Variants in NRIP3 observed in about 807,000 individuals in gnomAD.
NRIP3 encodes the protein nuclear receptor-interacting protein 3.
A neutral mutation model predicts 29.0 loss-of-function variants in NRIP3; 31 were observed. The observed-to-expected ratio is 1.07, with a 90% CI of 0.80 to 1.44. The LOEUF is 1.44. Among genes scored for constraint, NRIP3 ranks in the 40% most tolerant of loss-of-function variants. The pLI is 0.00. For missense variants in NRIP3, 314 were observed against 297.9 expected, an observed-to-expected ratio of 1.05 and a Z score of -0.40; for synonymous variants, 131 against 118.3, an observed-to-expected ratio of 1.11 and a Z score of -0.70.
chr11:8,990,569 T>C (rs1854582599), intron 1 of NRIP3, among the ~76,000 whole-genome samples: 1 of 152,046 alleles, frequency 6.6e-6, no homozygotes, highest in South Asian at 2.1e-4. Flanking sequence ...GCGGATCTCT[T>C]GAGCTCAGGA....
At chr11:8,994,562 C>T (rs966280250) in intron 1 of NRIP3, among the ~76,000 whole-genome samples, 1 of 152,228 alleles carries the variant, frequency 6.6e-6, no homozygotes, top group African/African-American at 2.4e-5. Flanking sequence ...GCCCTACTTT[C>T]TGCATTTTAA....
chr11:8,993,967 A>G (rs1005980453), intron 1 of NRIP3, among the ~76,000 whole-genome samples: 1 of 152,160 alleles, frequency 6.6e-6, no homozygotes, highest in African/African-American at 2.4e-5. Context: ...ATTTTTAAAA[A>G]TTTTAAATAA....
At position 9,003,792 on chromosome 11, in the gene NRIP3, GC is replaced by G. The variant is rs1345535966; in HGVS notation, c.143del (p.Gly48AlafsTer52). 1 of 1,499,736 alleles carries G rather than the reference GC, an allele frequency of 6.7e-7. No homozygotes were observed. Among genetic ancestry groups the G allele is most frequent in the Non-Finnish European group, 8.9e-7 (1 of 1,121,966 alleles). The allele number at this position is 1,499,736 out of a possible 1,614,324, so 92.9% of individuals were successfully genotyped here. On this transcript the variant is annotated frameshift_variant, in exon 1 of 7. Coordinates refer to ENST00000309166, the MANE Select transcript of NRIP3 (RefSeq NM_020645.3). LOFTEE classifies it high-confidence loss of function. ...CCTTGGACGAGCCCAGCTTCTTGAG[GC>G]CGTCCAGGGGCAGCAGGTCGGCGGA... ...KDSADLLPLDGLKKLGSSKDM... is the reference protein window; with the variant it reads ...KDSADLLPLDXLKKLGSSKDM...
chr11:8,990,622 C>T (rs1357397044), intron 1 of NRIP3, among the ~76,000 whole-genome samples: 3 of 151,928 alleles, frequency 2.0e-5, no homozygotes, highest in Non-Finnish European at 2.9e-5. Context: ...CCTGTCTCTA[C>T]TAAAAGAAAA....
chr11:8,995,963 G>C (rs1854695877), intron 1 of NRIP3, among the ~76,000 whole-genome samples: 2 of 152,092 alleles, frequency 1.3e-5, no homozygotes, highest in Admixed American at 6.5e-5. Context: ...ATTTCTAATA[G>C]TTAGGTCCCT....
At chr11:8,987,900 A>G (rs1483797396) in intron 2 of NRIP3, among the ~76,000 whole-genome samples, 1 of 152,220 alleles carries the variant, frequency 6.6e-6, no homozygotes, top group Admixed American at 6.5e-5. Context: ...TAAAAAAATC[A>G]CATACCCATT....
At position 8,983,919 on chromosome 11, in the gene NRIP3, C is replaced by T. The variant is rs919664405; in HGVS notation, c.666G>A (p.Lys222=). The part of the protein sequence containing the change: ...KHRLIMGKTD[K]EEIPFVETVS... ...CTGTCTCCACAAAAGGGATTTCTTCCTTGTCTGTCTTCCCCATGATCAGCC... is the reference window on the plus strand; with the variant it reads ...CTGTCTCCACAAAAGGGATTTCTTCTTTGTCTGTCTTCCCCATGATCAGCC... Residue 222 remains lysine (K), a synonymous_variant, in exon 6 of 7, where the codon AAG becomes AAA. Coordinates refer to ENST00000309166, the MANE Select transcript of NRIP3 (RefSeq NM_020645.3). 9 of 1,614,088 alleles carry T rather than the reference C, an allele frequency of 5.6e-6. No individual in the cohort carries two copies. Among genetic ancestry groups the T allele is most frequent in the Non-Finnish European group, 7.6e-6 (9 of 1,180,052 alleles).
At position 8,984,096 on chromosome 11, in the gene NRIP3, A is replaced by C; in HGVS notation, c.591T>G (p.Gly197=). 1.2e-6 allele frequency: 2 copies of C among 1,613,190 alleles called. No individual in the cohort carries two copies. Among genetic ancestry groups the C allele is most frequent in the Non-Finnish European group, 1.7e-6 (2 of 1,179,144 alleles). Reference sequence around the variant, plus strand: ...CCTTCAGAGATCGGAGAGTCTGTAGACCAAGGGACAAGTTTTTCTCATTGT... The same window carrying C: ...CCTTCAGAGATCGGAGAGTCTGTAGCCCAAGGGACAAGTTTTTCTCATTGT... ...VDDNEKNLSL[G]LQTLRSLKCI... is the part of the protein sequence containing the mutation. Residue 197 remains glycine (G), a synonymous_variant, in exon 5 of 7, where the codon GGT becomes GGG. Coordinates refer to ENST00000309166, the MANE Select transcript of NRIP3 (RefSeq NM_020645.3).
At chr11:8,984,963 T>C (rs1241602440) in intron 4 of NRIP3, among the ~76,000 whole-genome samples, 4 of 151,844 alleles carry the variant, frequency 2.6e-5, no homozygotes, top group Non-Finnish European at 5.9e-5. Context: ...GCGATTCTCC[T>C]ACCTCAGCCT....
intron 1 of NRIP3, among the ~76,000 whole-genome samples, chr11:8,989,305 A>G (rs1210360932): frequency 6.6e-6 from 1 of 152,244 alleles, no homozygotes; most frequent in Non-Finnish European, 1.5e-5. Context: ...CCCGGCTACA[A>G]TACCATTTAA....
chr11:9,004,132 C>A, upstream of NRIP3: 1 of 424,622 alleles, frequency 2.4e-6, no homozygotes, highest in Non-Finnish European at 3.9e-6. Flanking sequence ...CCGCGTCCCG[C>A]GTCCCGCGTC....
chr11:8,998,875 G>C (rs1207193876), intron 1 of NRIP3, among the ~76,000 whole-genome samples: 1 of 133,502 alleles, frequency 7.5e-6, no homozygotes, highest in Non-Finnish European at 1.5e-5. Flanking sequence ...CTCACTGCAA[G>C]CTCCGCCTCC....
Position 9,003,812 on chromosome 11 carries a change from C to T in NRIP3, c.124G>A (p.Asp42Asn). Residue 42 changes from aspartate (D) to asparagine (N), a missense_variant, in exon 1 of 7, where the codon GAC becomes AAC. Transcript: ENST00000309166. ...TTGAGGCCGTCCAGGGGCAGCAGGTCGGCGGAGTCCTTGTGGATGAACTGC... is the reference window on the plus strand; with the variant it reads ...TTGAGGCCGTCCAGGGGCAGCAGGTTGGCGGAGTCCTTGTGGATGAACTGC... ...AVQFIHKDSA[D>N]LLPLDGLKKL... 1 of 1,513,090 alleles carries T rather than the reference C, an allele frequency of 6.6e-7. No individual in the cohort carries two copies. The highest frequency in any genetic ancestry group is 8.8e-7 in the Non-Finnish European group (1 of 1,130,178). The allele number at this position is 1,513,090 out of a possible 1,614,324, so 93.7% of individuals were successfully genotyped here.
At chr11:9,001,056 G>C (rs951572642) in intron 1 of NRIP3, among the ~76,000 whole-genome samples, 1 of 151,966 alleles carries the variant, frequency 6.6e-6, no homozygotes, top group Non-Finnish European at 1.5e-5. Context: ...AATAGAGTGA[G>C]AACCCGTCTC....
chr11:9,004,112 C>A (rs539421371), upstream of NRIP3: 3 of 481,938 alleles, frequency 6.2e-6, no homozygotes, highest in African/African-American at 4.1e-5. Flanking sequence ...CCGCGCGGCT[C>A]CCTCGCGTCC....
chr11:8,996,636 A>G lies in NRIP3; in HGVS notation c.174+7126T>C, dbSNP rs1854712154. ...TTCTTTCTTTCAGAATCCCTTCAAT[A>G]CTTGTATATTAAAGAATTTCTACTA... On this transcript the variant is annotated intron_variant, in intron 1 of 6. Transcript: ENST00000309166. 2.0e-5 allele frequency among the ~76,000 whole-genome samples: 3 copies of G among 152,334 alleles called. 1 individual carries two copies. The South Asian group carries it at 6.2e-4, about 32-fold the overall frequency.
chr11:8,985,614 G>A (rs944491933), intron 4 of NRIP3, 97 bp downstream of exon 4: 1 of 1,464,440 alleles, frequency 6.8e-7, no homozygotes, highest in African/African-American at 1.4e-5. Flanking sequence ...TTTTGAAAAA[G>A]TCAATATTTA....
Position 8,983,929 on chromosome 11 carries a change from T to C in NRIP3, c.656A>G (p.Lys219Arg), listed in dbSNP as rs370460296. ...NLDKHRLIMGKTDKEEIPFVE... is the reference protein window; with the variant it reads ...NLDKHRLIMGRTDKEEIPFVE... Reference sequence around the variant, plus strand: ...AAAAGGGATTTCTTCCTTGTCTGTCTTCCCCATGATCAGCCGGTGCTTATC... The same window carrying C: ...AAAAGGGATTTCTTCCTTGTCTGTCCTCCCCATGATCAGCCGGTGCTTATC... The change falls in exon 6 of 7, where the codon AAG (lysine) becomes AGG (arginine). Residue 219 changes from lysine to arginine, a missense_variant. Physicochemically the swap from Lys to Arg is conservative, Grantham distance 26. Coordinates refer to ENST00000309166, the MANE Select transcript of NRIP3 (RefSeq NM_020645.3). The C allele has an allele frequency of 3.1e-6, 5 of 1,614,120 alleles. No homozygotes were observed. In the African/African-American group the frequency reaches 6.7e-5, roughly 22 times the overall value.
intron 1 of NRIP3, among the ~76,000 whole-genome samples, chr11:9,003,344 T>C (rs994776938): frequency 1.3e-5 from 2 of 152,148 alleles, no homozygotes; most frequent in African/African-American, 2.4e-5. Context: ...AAACCCTCTT[T>C]CCACTTCTTT....
Sources: allele counts gnomAD v4.1 joint callset (sites outside exome capture counted in the v4.1 genomes callset), GRCh38; gene constraint gnomAD v4.1.1; transcripts MANE v1.5; gene names NCBI Gene and HGNC (gene_info 2026-07-23, HGNC 2026-07-21).